Variants in USP32 observed in about 807,000 individuals in gnomAD.
The protein encoded by USP32 is ubiquitin carboxyl-terminal hydrolase 32.
In USP32, 59 loss-of-function variants were observed where a neutral mutation model predicts 204.8. That is an observed-to-expected ratio of 0.29 (90% confidence interval 0.23 to 0.36). The LOEUF (loss-of-function observed/expected upper bound fraction) is 0.36. USP32 is among the 10% of genes least tolerant of loss of function. USP32 has a pLI of 1.00. For missense variants in USP32, 1,160 were observed against 1,946.4 expected, an observed-to-expected ratio of 0.60 and a Z score of 7.60; for synonymous variants, 517 against 678.4, an observed-to-expected ratio of 0.76 and a Z score of 3.70.
At chr17:60,349,852 A>T (rs1433974933) in intron 1 of USP32, among the ~76,000 whole-genome samples, 1 of 150,624 alleles carries the variant, frequency 6.6e-6, no homozygotes, top group Admixed American at 6.6e-5. Context: ...CAGACACTGA[A>T]ATGTTCCTAC....
At chr17:60,361,508 T>TAC (rs1417896392) in intron 1 of USP32, among the ~76,000 whole-genome samples, 1 of 152,176 alleles carries the variant, frequency 6.6e-6, no homozygotes, top group Non-Finnish European at 1.5e-5. Context: ...CTTAGATACA[T>TAC]ACAGAGAGTG....
chr17:60,313,156 A>G (rs540925083), intron 2 of USP32, among the ~76,000 whole-genome samples: 6 of 147,484 alleles, frequency 4.1e-5, no homozygotes, highest in Admixed American at 1.3e-4. Flanking sequence ...GAGGCTGAGT[A>G]AGGAGAATCG....
At chr17:60,358,174 G>A (rs2089130724) in intron 1 of USP32, among the ~76,000 whole-genome samples, 1 of 152,068 alleles carries the variant, frequency 6.6e-6, no homozygotes, top group East Asian at 1.9e-4. Flanking sequence ...GAGTATTTCA[G>A]CTATACTATG....
chr17:60,392,081 T>A lies in USP32; in HGVS notation c.-142A>T. 2 of 938,224 alleles carry A rather than the reference T, an allele frequency of 2.1e-6. No homozygotes were observed. Among genetic ancestry groups the A allele is most frequent in the Non-Finnish European group, 3.0e-6 (2 of 657,418 alleles). 58.1% of individuals were successfully genotyped at this position (938,224 alleles called of 1,614,324 possible). A position where few individuals can be genotyped will look rare whatever the true frequency, so the allele number is the denominator to read the frequency against. ...TCCCCCCACACTAACAAGTGCGGCT[T>A]CTGCCCCGGCGGCTCCTCCCGGTCG... On this transcript the variant is annotated 5_prime_UTR_variant, in exon 1 of 34. Coordinates refer to ENST00000300896, the MANE Select transcript of USP32 (RefSeq NM_032582.4).
chr17:60,319,331 C>T (rs559318411), intron 2 of USP32, among the ~76,000 whole-genome samples: 19 of 152,128 alleles, frequency 1.2e-4, no homozygotes, highest in African/African-American at 4.1e-4. Flanking sequence ...ATAATAAATA[C>T]GAGTATAATA....
At chr17:60,272,257 CTTA>C (rs1346075709) in intron 5 of USP32, among the ~76,000 whole-genome samples, 19 of 152,262 alleles carry the variant, frequency 1.2e-4, no homozygotes, top group Non-Finnish European at 2.5e-4. Context: ...ACATTCAATA[CTTA>C]TTGAATAAAT....
intron 1 of USP32, among the ~76,000 whole-genome samples, chr17:60,354,677 G>A (rs2089027217): frequency 6.6e-6 from 1 of 152,182 alleles, no homozygotes; most frequent in Non-Finnish European, 1.5e-5. Context: ...TCAGGCAAGA[G>A]GGGGCCTACA....
intron 5 of USP32, among the ~76,000 whole-genome samples, chr17:60,283,368 G>T (rs908848917): frequency 1.3e-5 from 2 of 152,054 alleles, no homozygotes; most frequent in Non-Finnish European, 2.9e-5. Context: ...TTTAAACAAA[G>T]GTTTCTAAGC....
In USP32 at chr17:60,293,911, A is replaced by G. The variant is rs965541998; in HGVS notation, c.411+772T>C. Among the ~76,000 whole-genome samples the G allele has an allele frequency of 2.6e-5, 4 of 152,352 alleles. No homozygotes were observed. The East Asian group carries it at 5.8e-4, about 22-fold the overall frequency. On this transcript the variant is annotated intron_variant, in intron 4 of 33. Coordinates refer to ENST00000300896, the MANE Select transcript of USP32 (RefSeq NM_032582.4). Reference sequence around the variant, plus strand: ...CTTCTAAAGGGATTTTTACTCTACAATCACTAAGGACTTGTCACATACTAG... The same window carrying G: ...CTTCTAAAGGGATTTTTACTCTACAGTCACTAAGGACTTGTCACATACTAG...
intron 26 of USP32, among the ~76,000 whole-genome samples, chr17:60,203,917 C>T (rs1212806907): frequency 6.6e-6 from 1 of 152,128 alleles, no homozygotes; most frequent in African/African-American, 2.4e-5. Flanking sequence ...GTCCAAAGAG[C>T]TCAATCAGCT....
At chr17:60,253,177 G>C (rs556403847) in intron 10 of USP32, among the ~76,000 whole-genome samples, 85 of 152,220 alleles carry the variant, frequency 5.6e-4, no homozygotes, top group African/African-American at 2.0e-3. Context: ...AATACCAAAA[G>C]TCAAAATGCT....
intron 1 of USP32, among the ~76,000 whole-genome samples, chr17:60,409,383 C>G (rs2090002115): frequency 6.6e-6 from 1 of 152,130 alleles, no homozygotes; most frequent in Non-Finnish European, 1.5e-5. Flanking sequence ...AAAACTAGTG[C>G]CACAGTATTG....
Position 60,407,735 on chromosome 17 carries a change from T to A in USP32, c.106+14511A>T, listed in dbSNP as rs9914830. On this transcript the variant is annotated intron_variant, in intron 1 of 3. Transcript: ENST00000588898. ...AGGCGGAGGTTACAGTGAGCCGAGA[T>A]TAAGCCACTGTGCTCCAGCCTGGGC... 7.0e-3 allele frequency among the ~76,000 whole-genome samples: 1,000 copies of A among 142,584 alleles called. 12 individuals are homozygous for A. The highest frequency in any genetic ancestry group is 0.026 in the African/African-American group (956 of 37,048). 93.5% of individuals were successfully genotyped at this position (142,584 alleles called of 152,430 possible).
chr17:60,391,569 C>T (rs2089834161), intron 1 of USP32, among the ~76,000 whole-genome samples: 1 of 152,132 alleles, frequency 6.6e-6, no homozygotes, highest in African/African-American at 2.4e-5. Flanking sequence ...TGGGCTGGAG[C>T]CGCCCAAGAA....
chr17:60,217,635 G>A (rs1373058227), intron 16 of USP32, among the ~76,000 whole-genome samples: 1 of 151,488 alleles, frequency 6.6e-6, no homozygotes, highest in Non-Finnish European at 1.5e-5. Context: ...GTTGTAATGG[G>A]TGCCATGGAA....
At chr17:60,220,313 T>C (rs2085211252) in intron 15 of USP32, among the ~76,000 whole-genome samples, 1 of 152,154 alleles carries the variant, frequency 6.6e-6, no homozygotes, top group Admixed American at 6.5e-5. Context: ...TTTAAAAACA[T>C]CCACATTTCG....
chr17:60,189,379 C>T (rs1168142088), intron 29 of USP32, among the ~76,000 whole-genome samples: 2 of 152,130 alleles, frequency 1.3e-5, no homozygotes, highest in African/African-American at 4.8e-5. Flanking sequence ...AGTCAGTTAC[C>T]GTTACTAACT....
At chr17:60,294,552 ATCAAT>A (rs2087376566) in intron 4 of USP32, 126 bp downstream of exon 4, 2 of 547,924 alleles carry the variant, frequency 3.7e-6, no homozygotes, top group Non-Finnish European at 6.4e-6. Context: ...AAATGGAAAC[ATCAAT>A]AAATATAAAA....
intron 1 of USP32, among the ~76,000 whole-genome samples, chr17:60,370,529 G>A (rs1183429080): frequency 6.6e-6 from 1 of 152,054 alleles, no homozygotes; most frequent in Non-Finnish European, 1.5e-5. Flanking sequence ...GGGAGGCCGA[G>A]GCGGGAGGAT....
Sources: allele counts gnomAD v4.1 joint callset (sites outside exome capture counted in the v4.1 genomes callset), GRCh38; gene constraint gnomAD v4.1.1; transcripts MANE v1.5; gene names NCBI Gene and HGNC (gene_info 2026-07-23, HGNC 2026-07-21).